GRIP1: variants seen among roughly 807,000 people sequenced by gnomAD.
GRIP1 encodes glutamate receptor interacting protein 1, also known as glutamate receptor-interacting protein 1.
A neutral mutation model predicts 129.9 loss-of-function variants in GRIP1; 45 were observed. The ratio of observed to expected loss-of-function variants is 0.35; its 90% confidence interval spans 0.27 to 0.44. The LOEUF (loss-of-function observed/expected upper bound fraction) is 0.44, where lower values mean the gene tolerates loss of function less well. Among genes scored for constraint, GRIP1 ranks in the 20% least tolerant of loss-of-function variants. The pLI is 1.00. For missense variants in GRIP1, 1,196 were observed against 1,396.8 expected (o/e 0.86, Z 2.29); for synonymous variants, 530 against 520.8 (o/e 1.02, Z -0.24).
At chr12:66,447,386 T>C (rs753950000) in intron 11 of GRIP1, among the ~76,000 whole-genome samples, 95 of 152,194 alleles carry the variant, frequency 6.2e-4, no homozygotes, top group Non-Finnish European at 1.1e-3. Flanking sequence ...ATTAGGTCCT[T>C]AAATTATTTG....
intron 1 of GRIP1, among the ~76,000 whole-genome samples, chr12:66,729,219 A>G (rs2036352319): frequency 6.6e-6 from 1 of 152,102 alleles, no homozygotes; most frequent in Admixed American, 6.6e-5. Flanking sequence ...CTAGCATTAA[A>G]GGCCTAAATT....
Position 66,406,442 on chromosome 12 carries a change from C to A in GRIP1, c.1839-14G>T, listed in dbSNP as rs1197669888. On this transcript the variant is annotated splice_polypyrimidine_tract_variant and intron_variant, in intron 15 of 24. Transcript: ENST00000359742. ...AGGGTCCCAGTTCTGTTAGTGAATG[C>A]AAAGTAACACATGACTAATGATGAG... The A allele has an allele frequency of 3.7e-6, 6 of 1,612,768 alleles. No individual in the cohort carries two copies. Among genetic ancestry groups the A allele is most frequent in the Non-Finnish European group, 4.2e-6 (5 of 1,178,804 alleles).
intron 1 of GRIP1, among the ~76,000 whole-genome samples, chr12:66,802,633 C>T (rs1056060848): frequency 6.6e-6 from 1 of 152,088 alleles, no homozygotes; most frequent in African/African-American, 2.4e-5. Context: ...AAACATATAT[C>T]ATGGTACAAA....
At position 66,450,330 on chromosome 12, in the gene GRIP1, A is replaced by G. The variant is rs1270660520; in HGVS notation, c.1355-4822T>C. Reference sequence around the variant, plus strand: ...AAAAAAAAAAAAAAAAAAAAAAAAAAAAAGAAAGAGCCAAGAAAAAAGAAG... The same window carrying G: ...AAAAAAAAAAAAAAAAAAAAAAAAAGAAAGAAAGAGCCAAGAAAAAAGAAG... On this transcript the variant is annotated intron_variant, in intron 11 of 24. Transcript: ENST00000359742. Among the ~76,000 whole-genome samples the G allele has an allele frequency of 1.4e-3, 214 of 148,806 alleles. 1 individual carries two copies. The highest frequency in any genetic ancestry group is 5.1e-3 in the African/African-American group (208 of 40,632).
chr12:66,587,414 T>C (rs1465541970), intron 2 of GRIP1, among the ~76,000 whole-genome samples: 1 of 152,240 alleles, frequency 6.6e-6, no homozygotes, highest in East Asian at 1.9e-4. Context: ...CTCTACTGTT[T>C]ACACTAGTTC....
In GRIP1 at chr12:66,598,193, G is replaced by C. The variant is rs2064129955; in HGVS notation, c.56-1266C>G. 4.6e-5 allele frequency among the ~76,000 whole-genome samples: 7 copies of C among 152,240 alleles called. No individual in the cohort carries two copies. The South Asian group carries it at 1.5e-3, about 32-fold the overall frequency. On this transcript the variant is annotated intron_variant, in intron 1 of 24. Coordinates refer to ENST00000359742, the MANE Select transcript of GRIP1 (RefSeq NM_001366722.1). ...ACTAAATAGCTTGTGTTTCAAAATT[G>C]AGGAACTCATTTCCTCTCTAGGATG...
intron 1 of GRIP1, among the ~76,000 whole-genome samples, chr12:66,964,900 G>A (rs992721035): frequency 1.3e-5 from 2 of 151,974 alleles, no homozygotes; most frequent in African/African-American, 4.8e-5. Flanking sequence ...GTCCTCATAT[G>A]GTCTTTCCTC....
chr12:66,761,158 C>T (rs1312561334), intron 1 of GRIP1, among the ~76,000 whole-genome samples: 1 of 152,026 alleles, frequency 6.6e-6, no homozygotes, highest in African/African-American at 2.4e-5. Context: ...CTTGACTCCA[C>T]TGTAACAGAT....
At chr12:66,541,344 ATG>A (rs1269471536) in intron 3 of GRIP1, among the ~76,000 whole-genome samples, 1 of 152,192 alleles carries the variant, frequency 6.6e-6, no homozygotes, top group Non-Finnish European at 1.5e-5. Context: ...AGGAGAGAGG[ATG>A]TGAGATAAAC....
At chr12:66,544,084 C>T (rs1049339736) in intron 2 of GRIP1, among the ~76,000 whole-genome samples, 11 of 152,070 alleles carry the variant, frequency 7.2e-5, no homozygotes, top group South Asian at 2.1e-4. Context: ...CCTGGGCTTC[C>T]GGCTGAATCC....
intron 1 of GRIP1, among the ~76,000 whole-genome samples, chr12:66,994,219 A>G (rs540576322): frequency 1.5e-4 from 23 of 152,148 alleles, no homozygotes; most frequent in African/African-American, 5.1e-4. Flanking sequence ...AGCTATAGAC[A>G]ATTATCCCTT....
At chr12:67,014,945 C>T (rs1470400293) in intron 1 of GRIP1, among the ~76,000 whole-genome samples, 1 of 152,054 alleles carries the variant, frequency 6.6e-6, no homozygotes, top group Non-Finnish European at 1.5e-5. Context: ...AGAAAGATTT[C>T]CTTCCAGAAT....
intron 15 of GRIP1, among the ~76,000 whole-genome samples, chr12:66,411,436 C>T (rs2057398817): frequency 6.6e-6 from 1 of 152,196 alleles, no homozygotes; most frequent in African/African-American, 2.4e-5. Context: ...ACAACGGTAA[C>T]ATCATTAACG....
At chr12:66,406,818 G>A (rs1359792083) in intron 15 of GRIP1, among the ~76,000 whole-genome samples, 1 of 152,150 alleles carries the variant, frequency 6.6e-6, no homozygotes, top group Non-Finnish European at 1.5e-5. Context: ...AGCATTAAGA[G>A]AATGACAGAA....
intron 20 of GRIP1, 135 bp downstream of exon 20, chr12:66,379,145 G>T: frequency 2.0e-6 from 2 of 1,020,184 alleles, no homozygotes; most frequent in South Asian, 1.3e-5. Context: ...CTGCCATGTG[G>T]CCAGCATGGA....
chr12:66,951,191 ACT>A (rs1454270585), intron 1 of GRIP1, among the ~76,000 whole-genome samples: 1 of 152,224 alleles, frequency 6.6e-6, no homozygotes, highest in African/African-American at 2.4e-5. Flanking sequence ...CATAATGAAG[ACT>A]CAACTATATT....
At chr12:66,406,000 T>A (rs1331589018) in intron 16 of GRIP1, among the ~76,000 whole-genome samples, 5 of 152,226 alleles carry the variant, frequency 3.3e-5, no homozygotes, top group Non-Finnish European at 7.3e-5. Context: ...AACTACCAGT[T>A]TCACTGTATT....
At chr12:66,928,867 T>C (rs932494651) in intron 1 of GRIP1, among the ~76,000 whole-genome samples, 1 of 152,222 alleles carries the variant, frequency 6.6e-6, no homozygotes, top group Non-Finnish European at 1.5e-5. Flanking sequence ...GTCTATACTG[T>C]GGCTCTGGGT....
chr12:67,062,345 T>C (rs546480279), intron 1 of GRIP1, among the ~76,000 whole-genome samples: 2 of 152,298 alleles, frequency 1.3e-5, no homozygotes, highest in Admixed American at 1.3e-4. Flanking sequence ...CTACACTCCA[T>C]CCCCTTTAAG....
Sources: gnomAD v4.1 joint callset for allele counts (sites outside exome capture counted in the v4.1 genomes callset) on GRCh38, gnomAD v4.1.1 for gene constraint, MANE v1.5 for transcripts, NCBI Gene and HGNC (gene_info 2026-07-23, HGNC 2026-07-21) for gene names.